Variants in KDM1A observed in about 807,000 individuals in gnomAD.
The protein encoded by KDM1A is lysine-specific histone demethylase 1A.
Under a neutral mutation model 109.4 loss-of-function variants are expected in KDM1A, and 49 were observed. The ratio of observed to expected loss-of-function variants is 0.45; its 90% CI spans 0.36 to 0.57. The LOEUF is 0.57. Among genes scored for constraint, KDM1A ranks in the 20% least tolerant of loss-of-function variants. The probability of loss-of-function intolerance (pLI) is 0.00; values close to 1 mark genes in which losing one functional copy is unlikely to be tolerated. For synonymous variants in KDM1A, 380 were observed against 415.4 expected (o/e 0.91, Z 1.04); for missense variants, 668 against 1,116.6 (o/e 0.60, Z 5.73).
chr1:23,031,503 A>G (rs1641979435), intron 2 of KDM1A, among the ~76,000 whole-genome samples: 2 of 152,094 alleles, frequency 1.3e-5, no homozygotes, highest in South Asian at 2.1e-4. Flanking sequence ...CCCATCTGCT[A>G]TATCTTGCAT....
At chr1:23,036,840 C>CA (rs569913192) in intron 2 of KDM1A, among the ~76,000 whole-genome samples, 36 of 151,958 alleles carry the variant, frequency 2.4e-4, no homozygotes, top group African/African-American at 6.8e-4. Context: ...GCATTTTCTA[C>CA]AAAAAAATAA....
chr1:23,070,752 G>A (rs1365335896), intron 12 of KDM1A, among the ~76,000 whole-genome samples: 3 of 151,824 alleles, frequency 2.0e-5, no homozygotes, highest in Admixed American at 2.0e-4. Context: ...AGCTTGCAGT[G>A]AGCCGAGATG....
At chr1:23,073,067 A>G (rs1198989405) in intron 14 of KDM1A, among the ~76,000 whole-genome samples, 2 of 152,068 alleles carry the variant, frequency 1.3e-5, no homozygotes, top group African/African-American at 4.8e-5. Context: ...CAGACAAATG[A>G]GGCCTACATG....
intron 2 of KDM1A, chr1:23,044,188 T>C: frequency 4.6e-6 from 2 of 433,804 alleles, no homozygotes; most frequent in South Asian, 4.3e-5. Flanking sequence ...AGAAATACTA[T>C]GTACTTTGTT....
intron 18 of KDM1A, chr1:23,081,198 G>A: frequency 6.8e-6 from 3 of 443,994 alleles, no homozygotes; most frequent in Non-Finnish European, 1.2e-5. Flanking sequence ...ATTTTGCCAG[G>A]TTAGAAGCAG....
At chr1:23,081,596 G>C (rs1264175021) in intron 19 of KDM1A, 23 bp downstream of exon 19, 1 of 1,613,712 alleles carries the variant, frequency 6.2e-7, no homozygotes, top group Admixed American at 1.7e-5. Flanking sequence ...GTGGGGCAAG[G>C]AGGGATCTAG....
At chr1:23,057,005 C>A (rs1027022130) in intron 7 of KDM1A, among the ~76,000 whole-genome samples, 1 of 151,878 alleles carries the variant, frequency 6.6e-6, no homozygotes, top group Non-Finnish European at 1.5e-5. Flanking sequence ...CACTGGAGAA[C>A]CATTTGTCAG....
chr1:23,063,214 TGGGGTGGGTGTGTGTGG>T lies in KDM1A; in HGVS notation c.1168-2844_1168-2828del, dbSNP rs1643058347. Among the ~76,000 whole-genome samples the T allele has an allele frequency of 2.4e-4, 5 of 20,454 alleles. 1 individual carries two copies. The allele number at this position is 20,454 out of a possible 152,430, so 13.4% of individuals were successfully genotyped here. A position where few individuals can be genotyped will look rare whatever the true frequency, so the allele number is the denominator to read the frequency against. ...GTAGCATTGGGGGGGGGGTGTGGTG[TGGGGTGGGTGTGTGTGG>T]GTGTGTGTGTGTGTGTGTGTGTGTA... On this transcript the variant is annotated intron_variant, in intron 9 of 20. Coordinates refer to ENST00000400181, the MANE Select transcript of KDM1A (RefSeq NM_001009999.3).
chr1:23,062,237 G>A (rs1643021478), intron 9 of KDM1A, among the ~76,000 whole-genome samples: 1 of 152,172 alleles, frequency 6.6e-6, no homozygotes, highest in African/African-American at 2.4e-5. Context: ...AAGATGGGGT[G>A]AGGTTAGTGT....
intron 3 of KDM1A, among the ~76,000 whole-genome samples, chr1:23,045,989 G>C (rs766550760): frequency 2.0e-5 from 3 of 152,122 alleles, no homozygotes; most frequent in Non-Finnish European, 4.4e-5. Context: ...ATCATATCTT[G>C]ACTTCTTAAA....
intron 4 of KDM1A, among the ~76,000 whole-genome samples, chr1:23,053,013 G>C (rs966165261): frequency 1.3e-5 from 2 of 152,068 alleles, no homozygotes; most frequent in Non-Finnish European, 2.9e-5. Context: ...TCTTCTTTCA[G>C]TGATTCCATT....
intron 3 of KDM1A, among the ~76,000 whole-genome samples, chr1:23,047,040 A>C (rs1181991947): frequency 4.6e-5 from 7 of 152,252 alleles, no homozygotes; most frequent in Non-Finnish European, 1.0e-4. Context: ...GGATGTTATT[A>C]AAATCATTTG....
Position 23,073,373 on chromosome 1 carries a change from C to G in KDM1A, c.1704C>G (p.Leu568=), listed in dbSNP as rs772665790. Residue 568 remains leucine, a synonymous_variant, in exon 15 of 21, where the codon CTC becomes CTG. Coordinates refer to ENST00000400181, the MANE Select transcript of KDM1A (RefSeq NM_001009999.3). ...TTGAATTTGCTAATGCCACACCTCT[C>G]TCAACTCTCTCCCTTAAGCACTGGG... is the stretch of plus-strand genomic sequence containing the variant. ...ANLEFANATP[L]STLSLKHWDQ... The G allele has an allele frequency of 1.9e-6, 3 of 1,609,468 alleles. No individual in the cohort carries two copies. Among genetic ancestry groups the G allele is most frequent in the Non-Finnish European group, 2.6e-6 (3 of 1,175,950 alleles).
chr1:23,054,862 G>A (rs1642779347), intron 5 of KDM1A, among the ~76,000 whole-genome samples: 1 of 152,094 alleles, frequency 6.6e-6, no homozygotes, highest in African/African-American at 2.4e-5. Flanking sequence ...CTGGCCTCAA[G>A]TGATCCTATC....
At position 23,079,226 on chromosome 1, in the gene KDM1A, A is replaced by G. The variant is rs760769514; in HGVS notation, c.2055+49A>G. 2 of 1,567,484 alleles carry G rather than the reference A, an allele frequency of 1.3e-6. No homozygotes were observed. Among genetic ancestry groups the G allele is most frequent in the South Asian group, 2.3e-5 (2 of 85,840 alleles). The stretch of plus-strand genomic sequence containing the variant: ...TCTACAGATCTGATGTACAAATAGC[A>G]GTCTTCGTTGTTTACTTGGTGAGGA... On this transcript the variant is annotated intron_variant, in intron 17 of 20. Transcript: ENST00000400181. The surrounding 1 kb of genome is among the most constrained non-coding windows in gnomAD (Gnocchi z 5.6).
Position 23,077,312 on chromosome 1 carries a change from G to C in KDM1A, c.1819G>C (p.Asp607His). The change falls in exon 16 of 21, where the codon GAC becomes CAC. Residue 607 changes from aspartate to histidine, a missense_variant. Around this residue, in one of 8 missense-constraint regions of KDM1A, gnomAD observed 162 missense variants for 376.4 expected, o/e 0.43. Transcript: ENST00000400181. ...GCCTGTGGCTTTAGCAGAAGGCCTA[G>C]ACATTAAACTGAATACAGCAGTGCG... is the stretch of plus-strand genomic sequence containing the variant. ...CVPVALAEGL[D>H]IKLNTAVRQV... 6.2e-7 allele frequency: 1 copy of C among 1,614,160 alleles called. No homozygotes were observed. Among genetic ancestry groups the C allele is most frequent in the Non-Finnish European group, 8.5e-7 (1 of 1,179,996 alleles).
intron 2 of KDM1A, among the ~76,000 whole-genome samples, chr1:23,038,951 T>TGACTTGGTCAGGTAAGAGA (rs1642228988): frequency 6.6e-6 from 1 of 152,206 alleles, no homozygotes; most frequent in South Asian, 2.1e-4. Flanking sequence ...TAAGTGATCC[T>TGACTTGGTCAGGTAAGAGA]CCTGACTTGG....
chr1:23,049,686 A>G (rs1478292837), intron 3 of KDM1A, among the ~76,000 whole-genome samples: 1 of 143,590 alleles, frequency 7.0e-6, no homozygotes, highest in Non-Finnish European at 1.5e-5. Context: ...ACTTCGTCTC[A>G]AAAAAAAAAA....
chr1:23,033,046 G>A (rs574674832), intron 2 of KDM1A, among the ~76,000 whole-genome samples: 4 of 152,184 alleles, frequency 2.6e-5, no homozygotes, highest in East Asian at 1.9e-4. Context: ...ACAGATGTGC[G>A]TCACCACGCC....
Sources: allele counts gnomAD v4.1 joint callset (sites outside exome capture counted in the v4.1 genomes callset), GRCh38; gene constraint gnomAD v4.1.1; regional missense constraint gnomAD v4.1.1; non-coding constraint Gnocchi (gnomAD v3.1); transcripts MANE v1.5; gene names NCBI Gene and HGNC (gene_info 2026-07-23, HGNC 2026-07-21).